The following PCDHGA9 variants were observed in gnomAD, a reference collection of about 807,000 sequenced individuals.
The protein encoded by PCDHGA9 is protocadherin gamma-A9.
In PCDHGA9, 37 loss-of-function variants were observed where a neutral mutation model predicts 62.5. The ratio of observed to expected loss-of-function variants is 0.59; its 90% CI spans 0.46 to 0.78. The LOEUF (loss-of-function observed/expected upper bound fraction) is 0.78, where lower values mean the gene tolerates loss of function less well. PCDHGA9 is among the 30% of genes least tolerant of loss of function. The pLI is 0.00. For synonymous variants in PCDHGA9, 459 were observed against 484.6 expected (o/e 0.95, Z 0.69); for missense variants, 1,138 against 1,166.2 (o/e 0.98, Z 0.35).
In PCDHGA9 at chr5:141,491,801, G is replaced by C; in HGVS notation, c.2425-3006G>C. 1 of 1,500,844 alleles carries C rather than the reference G, an allele frequency of 6.7e-7. No individual in the cohort carries two copies. Among genetic ancestry groups the C allele is most frequent in the Non-Finnish European group, 8.9e-7 (1 of 1,125,292 alleles). The allele number at this position is 1,500,844 out of a possible 1,614,324, so 93.0% of individuals were successfully genotyped here. The stretch of plus-strand genomic sequence containing the variant: ...AACTTGCATCCACTCCTCTCCGGCC[G>C]GCTTGGTCGCTGGCTGCGCTCCACC... On this transcript the variant is annotated intron_variant, in intron 1 of 3. Coordinates refer to ENST00000573521, the MANE Select transcript of PCDHGA9 (RefSeq NM_018921.3). The surrounding 1 kb of genome is among the most constrained non-coding windows in gnomAD (Gnocchi z 6.9).
chr5:141,487,783 G>T lies in PCDHGA9; in HGVS notation c.2425-7024G>T. The T allele has an allele frequency of 6.6e-7, 1 of 1,522,846 alleles. No homozygotes were observed. The allele number at this position is 1,522,846 out of a possible 1,614,324, so 94.3% of individuals were successfully genotyped here. ...ACGCTGTGCTTTGTAACTGTTTCGT[G>T]AATTAACCAGAGTTGTCACAGTTTA... is the stretch of plus-strand genomic sequence containing the variant. On this transcript the variant is annotated intron_variant, in intron 1 of 3. Transcript: ENST00000573521. The surrounding 1 kb of genome is among the most constrained non-coding windows in gnomAD (Gnocchi z 5.0).
intron 1 of PCDHGA9, chr5:141,478,778 C>A: frequency 6.7e-7 from 1 of 1,488,178 alleles, no homozygotes; most frequent in Non-Finnish European, 8.9e-7. Flanking sequence ...ATCTGTGGAC[C>A]TAATTCACAT....
At chr5:141,462,996 G>A (rs2099050826) in intron 1 of PCDHGA9, among the ~76,000 whole-genome samples, 1 of 152,082 alleles carries the variant, frequency 6.6e-6, no homozygotes, top group South Asian at 2.1e-4. Flanking sequence ...GGCTAATTTA[G>A]ACCTACCACT....
intron 1 of PCDHGA9, among the ~76,000 whole-genome samples, chr5:141,457,459 C>G (rs749463185): frequency 1.6e-4 from 24 of 152,166 alleles, no homozygotes; most frequent in Non-Finnish European, 3.4e-4. Context: ...CCACTTGATT[C>G]ACAGGAATAA....
Position 141,487,246 on chromosome 5 carries a change from C to T in PCDHGA9, c.2425-7561C>T. 1 of 1,614,166 alleles carries T rather than the reference C, an allele frequency of 6.2e-7. No individual in the cohort carries two copies. The highest frequency in any genetic ancestry group is 8.5e-7 in the Non-Finnish European group (1 of 1,180,014). ...GGGAAGGAGAATCTCGTCTAACCCTCTACTTGGCTGTGTCCCTAGTGGCAA... is the reference window on the plus strand; with the variant it reads ...GGGAAGGAGAATCTCGTCTAACCCTTTACTTGGCTGTGTCCCTAGTGGCAA... On this transcript the variant is annotated intron_variant, in intron 1 of 3. Coordinates refer to ENST00000573521, the MANE Select transcript of PCDHGA9 (RefSeq NM_018921.3). This position sits in a 1 kb window ranked among gnomAD's most constrained non-coding sequence, Gnocchi z 5.0.
intron 3 of PCDHGA9, chr5:141,507,418 A>T (rs2099860509): frequency 6.6e-6 from 1 of 152,204 alleles, no homozygotes; most frequent in Non-Finnish European, 1.5e-5. Context: ...CTGTGAGGTT[A>T]AGTGGGGCCA....
chr5:141,500,877 A>ATTT (rs369345007), intron 2 of PCDHGA9, among the ~76,000 whole-genome samples: 1 of 122,288 alleles, frequency 8.2e-6, no homozygotes, highest in Admixed American at 8.0e-5. Context: ...TTCATTTACA[A>ATTT]TTTTTTTTTT....
intron 1 of PCDHGA9, among the ~76,000 whole-genome samples, chr5:141,492,631 A>G (rs1203365582): frequency 6.6e-6 from 1 of 152,184 alleles, no homozygotes; most frequent in Non-Finnish European, 1.5e-5. Flanking sequence ...GCAGGACTCT[A>G]CGATCCTTGG....
At chr5:141,502,534 C>T (rs565889110) in intron 2 of PCDHGA9, among the ~76,000 whole-genome samples, 10 of 152,074 alleles carry the variant, frequency 6.6e-5, no homozygotes, top group Non-Finnish European at 1.0e-4. Context: ...CGAGTTTGTT[C>T]GTGTGGTAAA....
chr5:141,430,245 G>C (rs1000418420), intron 1 of PCDHGA9, among the ~76,000 whole-genome samples: 1 of 104,402 alleles, frequency 9.6e-6, no homozygotes, highest in African/African-American at 6.4e-5. Flanking sequence ...GAAACTCCTA[G>C]GGAGACATCT....
chr5:141,404,238 C>T lies in PCDHGA9; in HGVS notation c.1286C>T (p.Thr429Ile), dbSNP rs764561008. 3 of 1,613,712 alleles carry T rather than the reference C, an allele frequency of 1.9e-6. No homozygotes were observed. Among genetic ancestry groups the T allele is most frequent in the Non-Finnish European group, 2.5e-6 (3 of 1,179,702 alleles). The change falls in exon 1 of 4, where the codon ACT (threonine) becomes ATT (isoleucine). Residue 429 changes from threonine (T) to isoleucine (I), a missense_variant. Coordinates refer to ENST00000573521, the MANE Select transcript of PCDHGA9 (RefSeq NM_018921.3). ...NITVTATDRG[T>I]PPLSTEIHIT... The stretch of plus-strand genomic sequence containing the variant: ...ACGGTGACTGCAACAGACAGAGGAA[C>T]TCCGCCCCTGTCCACAGAAATTCAC...
At chr5:141,508,718 G>T (rs2099871076) in intron 3 of PCDHGA9, among the ~76,000 whole-genome samples, 1 of 151,852 alleles carries the variant, frequency 6.6e-6, no homozygotes, top group Non-Finnish European at 1.5e-5. Flanking sequence ...TTTTCTGTGT[G>T]CAGGGAGACT....
At chr5:141,483,757 C>T (rs895694800) in intron 1 of PCDHGA9, among the ~76,000 whole-genome samples, 1 of 151,984 alleles carries the variant, frequency 6.6e-6, no homozygotes, top group Non-Finnish European at 1.5e-5. Flanking sequence ...AGGATCGAGG[C>T]TTGGAAAAAT....
At chr5:141,482,048 G>T (rs375214441) in intron 1 of PCDHGA9, among the ~76,000 whole-genome samples, 12 of 150,156 alleles carry the variant, frequency 8.0e-5, no homozygotes, top group Middle Eastern at 6.9e-3. Flanking sequence ...TCATGCTGTT[G>T]CATTCCAGCC....
chr5:141,418,397 T>C (rs764404369), intron 1 of PCDHGA9: 9 of 1,613,838 alleles, frequency 5.6e-6, no homozygotes, highest in South Asian at 3.3e-5. Context: ...GTATTTCTCA[T>C]TGGTGGAGAA....
At chr5:141,409,088 GAGAAAAC>G in intron 1 of PCDHGA9, 1 of 1,614,044 alleles carries the variant, frequency 6.2e-7, no homozygotes, top group Non-Finnish European at 8.5e-7. Context: ...CTCATTGGAT[GAGAAAAC>G]AGGTATGATT....
At chr5:141,502,697 T>C (rs893610041) in intron 2 of PCDHGA9, among the ~76,000 whole-genome samples, 13 of 152,208 alleles carry the variant, frequency 8.5e-5, no homozygotes, top group African/African-American at 3.1e-4. Context: ...CTTGCCTGTA[T>C]CTGTTTTTAC....
chr5:141,450,828 TA>T lies in PCDHGA9; in HGVS notation c.2425-43978del, dbSNP rs1427656987. Among the ~76,000 whole-genome samples the T allele has an allele frequency of 7.8e-4, 110 of 141,058 alleles. 1 individual carries two copies. The highest frequency in any genetic ancestry group is 1.8e-3 in the African/African-American group (65 of 36,868). The allele number at this position is 141,058 out of a possible 152,430, so 92.5% of individuals were successfully genotyped here. A position where few individuals can be genotyped will look rare whatever the true frequency, so the allele number is the denominator to read the frequency against. ...TTTATTTATTTAATATTATTATTAT[TA>T]TTTTTTTTTTTTTGAGATGGGGTCT... On this transcript the variant is annotated intron_variant, in intron 1 of 3. Transcript: ENST00000573521.
intron 1 of PCDHGA9, among the ~76,000 whole-genome samples, chr5:141,472,980 C>CAAA (rs60579131): frequency 5.8e-5 from 5 of 86,104 alleles, no homozygotes; most frequent in Non-Finnish European, 1.0e-4. Context: ...GAGTGAAACT[C>CAAA]AAAAAAAAAA....
Sources: allele counts gnomAD v4.1 joint callset (sites outside exome capture counted in the v4.1 genomes callset), GRCh38; gene constraint gnomAD v4.1.1; non-coding constraint Gnocchi (gnomAD v3.1); transcripts MANE v1.5; gene names NCBI Gene and HGNC (gene_info 2026-07-23, HGNC 2026-07-21).